Variants in ZNF829 observed in about 807,000 individuals in gnomAD.
ZNF829 encodes the protein zinc finger protein 829.
Under a neutral mutation model 35.2 loss-of-function variants are expected in ZNF829, and 25 were observed. That is an observed-to-expected ratio of 0.71 (90% CI 0.52 to 0.99). The LOEUF is 0.99. Ranked by LOEUF, ZNF829 falls within the 50% of genes least tolerant of loss-of-function variation. ZNF829 has a pLI of 0.00. For missense variants in ZNF829, 417 were observed against 515.3 expected (o/e 0.81, Z 1.85); for synonymous variants, 136 against 163.2 (o/e 0.83, Z 1.27).
Position 36,889,321 on chromosome 19 carries a change from G to T in ZNF829, c.*2171C>A, listed in dbSNP as rs917850900. 1 of 152,120 alleles carries T rather than the reference G, an allele frequency of 6.6e-6. No homozygotes were observed. The highest frequency in any genetic ancestry group is 2.4e-5 in the African/African-American group (1 of 41,410). 9.4% of individuals were successfully genotyped at this position (152,120 alleles called of 1,614,324 possible). On this transcript the variant is annotated 3_prime_UTR_variant, in exon 6 of 6. Transcript: ENST00000391711. ...GATACTGGCTTTGTAGAATGAGTTA[G>T]GGAGGATTCCCTCCTATAATTTTTG...
chr19:36,899,499 T>C (rs1023093209), intron 5 of ZNF829, among the ~76,000 whole-genome samples: 1 of 151,474 alleles, frequency 6.6e-6, no homozygotes, highest in African/African-American at 2.4e-5. Context: ...AAAATACATA[T>C]ATATATATGT....
At chr19:36,893,163 A>G (rs1048900091) in intron 5 of ZNF829, 2 of 393,414 alleles carry the variant, frequency 5.1e-6, no homozygotes, top group Non-Finnish European at 9.0e-6. Context: ...TGACTGTGCA[A>G]TGGTATACTG....
At chr19:36,902,058 TTATC>T (rs1235656458) in intron 5 of ZNF829, 1 of 571,926 alleles carries the variant, frequency 1.7e-6, no homozygotes, top group Admixed American at 2.5e-5. Context: ...TATACTTTGG[TTATC>T]TATGTATCTG....
rs117844863 is a variant in ZNF829 at position 36,893,065 on chromosome 19, G to A, written c.320-594C>T. 5.4e-3 allele frequency: 2,136 copies of A among 398,748 alleles called. 52 individuals are homozygous for A. Among genetic ancestry groups the A allele is most frequent in the Admixed American group, 0.043 (971 of 22,732 alleles). The allele number at this position is 398,748 out of a possible 1,614,324, so 24.7% of individuals were successfully genotyped here. ...TATGATACTGTATGTTTTGCAATTCGTAGATAACTGTCAGACCTACATGAA... is the reference window on the plus strand; with the variant it reads ...TATGATACTGTATGTTTTGCAATTCATAGATAACTGTCAGACCTACATGAA... On this transcript the variant is annotated intron_variant, in intron 5 of 5. Coordinates refer to ENST00000391711, the MANE Select transcript of ZNF829 (RefSeq NM_001037232.4).
chr19:36,894,425 C>T (rs1416231094), intron 5 of ZNF829, among the ~76,000 whole-genome samples: 1 of 151,988 alleles, frequency 6.6e-6, no homozygotes, highest in Non-Finnish European at 1.5e-5. Context: ...CAAAGTAATA[C>T]AATAATGCTC....
rs780335686 is a variant in ZNF829, at chr19:36,891,488, T to G, written c.*4A>C. The G allele has an allele frequency of 1.3e-6, 2 of 1,533,344 alleles. No individual in the cohort carries two copies. Among genetic ancestry groups the G allele is most frequent in the Non-Finnish European group, 1.7e-6 (2 of 1,144,538 alleles). 95.0% of individuals were successfully genotyped at this position (1,533,344 alleles called of 1,614,324 possible). On this transcript the variant is annotated 3_prime_UTR_variant, in exon 6 of 6. Coordinates refer to ENST00000391711, the MANE Select transcript of ZNF829 (RefSeq NM_001037232.4). ...TTAACAAAATGGTCTTACTTTACTG[T>G]CATTCAACCAGTATGAATTCCCTCA...
In ZNF829 at chr19:36,888,533, T is replaced by G. The variant is rs2146217968; in HGVS notation, c.*2959A>C. 1 of 152,266 alleles carries G rather than the reference T, an allele frequency of 6.6e-6. No homozygotes were observed. The highest frequency in any genetic ancestry group is 2.1e-4 in the South Asian group (1 of 4,822). 9.4% of individuals were successfully genotyped at this position (152,266 alleles called of 1,614,324 possible). A position where few individuals can be genotyped will look rare whatever the true frequency, so the allele number is the denominator to read the frequency against. On this transcript the variant is annotated 3_prime_UTR_variant, in exon 6 of 6. Coordinates refer to ENST00000391711, the MANE Select transcript of ZNF829 (RefSeq NM_001037232.4). ...AACTTATTAGCATAATGCCCCCACC[T>G]TTTAAAAAAGCATTCTTAATTTGCC... is the stretch of plus-strand genomic sequence containing the variant.
intron 5 of ZNF829, among the ~76,000 whole-genome samples, chr19:36,898,030 G>A (rs187558066): frequency 6.6e-6 from 1 of 152,268 alleles, no homozygotes; most frequent in Admixed American, 6.5e-5. Flanking sequence ...TTGGCCAGGT[G>A]TGGTGGCAGG....
intron 5 of ZNF829, among the ~76,000 whole-genome samples, chr19:36,897,642 T>A (rs867192449): frequency 5.3e-5 from 8 of 152,110 alleles, no homozygotes; most frequent in Admixed American, 5.2e-4. Context: ...TGGAACAAGA[T>A]AAAGAAGCCC....
chr19:36,890,855 C>CAAAAT lies in ZNF829; in HGVS notation c.*632_*636dup, dbSNP rs1401993088. ...TGGGCAACAGAGCGAGACTCTGTCT[C>CAAAAT]AAAATAAAATAAAATAAAATAAATT... is the stretch of plus-strand genomic sequence containing the variant. On this transcript the variant is annotated 3_prime_UTR_variant, in exon 6 of 6. Transcript: ENST00000391711. The CAAAAT allele has an allele frequency of 3.3e-5, 5 of 151,772 alleles. No individual in the cohort carries two copies. The highest frequency in any genetic ancestry group is 6.6e-5 in the Admixed American group (1 of 15,206). The allele number at this position is 151,772 out of a possible 1,614,324, so 9.4% of individuals were successfully genotyped here. A position where few individuals can be genotyped will look rare whatever the true frequency, so the allele number is the denominator to read the frequency against.
Position 36,915,116 on chromosome 19 carries a change from G to A in ZNF829, c.38+14C>T. The A allele has an allele frequency of 6.2e-7, 1 of 1,614,050 alleles. No homozygotes were observed. Among genetic ancestry groups the A allele is most frequent in the Non-Finnish European group, 8.5e-7 (1 of 1,180,006 alleles). ...TTAGTCAAGTAAGAGTTCTTCCCCAGCCCCATTACCCACCACACATGAGGA... is the reference window on the plus strand; with the variant it reads ...TTAGTCAAGTAAGAGTTCTTCCCCAACCCCATTACCCACCACACATGAGGA... On this transcript the variant is annotated intron_variant, in intron 2 of 5. Transcript: ENST00000391711.
rs188618360 is a variant in ZNF829 at position 36,891,393 on chromosome 19, T to C, written c.*99A>G. ...ATCGTATCGTTTAAAAACGAATACA[T>C]AGGAGAACCTTTGATAATATGTATC... On this transcript the variant is annotated 3_prime_UTR_variant, in exon 6 of 6. Coordinates refer to ENST00000391711, the MANE Select transcript of ZNF829 (RefSeq NM_001037232.4). 245 of 1,256,260 alleles carry C rather than the reference T, an allele frequency of 2.0e-4. 1 individual carries two copies. The South Asian group carries it at 4.2e-3, about 22-fold the overall frequency. 77.8% of individuals were successfully genotyped at this position (1,256,260 alleles called of 1,614,324 possible). A position where few individuals can be genotyped will look rare whatever the true frequency, so the allele number is the denominator to read the frequency against.
At chr19:36,896,753 AT>A (rs1388843735) in intron 5 of ZNF829, among the ~76,000 whole-genome samples, 1 of 152,244 alleles carries the variant, frequency 6.6e-6, no homozygotes, top group Non-Finnish European at 1.5e-5. Flanking sequence ...ATTTTTAAAA[AT>A]TGAAATCATA....
In ZNF829 at chr19:36,890,429, T is replaced by C. The variant is rs1364376505; in HGVS notation, c.*1063A>G. The C allele has an allele frequency of 6.6e-6, 1 of 152,234 alleles. No homozygotes were observed. Among genetic ancestry groups the C allele is most frequent in the Non-Finnish European group, 1.5e-5 (1 of 68,056 alleles). 9.4% of individuals were successfully genotyped at this position (152,234 alleles called of 1,614,324 possible). A position where few individuals can be genotyped will look rare whatever the true frequency, so the allele number is the denominator to read the frequency against. On this transcript the variant is annotated 3_prime_UTR_variant, in exon 6 of 6. Transcript: ENST00000391711. ...CTTAGGTCTAGTAGTATCTGTGTTA[T>C]GGATCTGGGTGTTGCAGTGTTGGGT...
intron 5 of ZNF829, among the ~76,000 whole-genome samples, chr19:36,903,844 A>G (rs146984357): frequency 0.014 from 2,075 of 151,112 alleles, 56 homozygotes; most frequent in African/African-American, 0.048. Context: ...CAGCCTGGGC[A>G]ACAAGAGTAA....
intron 3 of ZNF829, among the ~76,000 whole-genome samples, chr19:36,911,163 CT>C (rs2073261171): frequency 1.3e-5 from 2 of 151,752 alleles, no homozygotes; most frequent in Non-Finnish European, 2.9e-5. Context: ...AGTGCAGTGC[CT>C]TAGACTTGTG....
Position 36,916,151 on chromosome 19 carries a change from C to A in ZNF829, c.-225G>T, listed in dbSNP as rs555691357. 1,059 of 535,838 alleles carry A rather than the reference C, an allele frequency of 2.0e-3. 5 individuals are homozygous for A. The highest frequency in any genetic ancestry group is 0.019 in the African/African-American group (968 of 51,554). The allele number at this position is 535,838 out of a possible 1,614,324, so 33.2% of individuals were successfully genotyped here. On this transcript the variant is annotated 5_prime_UTR_variant, in exon 1 of 6. Coordinates refer to ENST00000391711, the MANE Select transcript of ZNF829 (RefSeq NM_001037232.4). This position sits in a 1 kb window ranked among gnomAD's most constrained non-coding sequence, Gnocchi z 5.3. ...CCTGTCAGCTCCTCGCCTGGGCCCACCCGAAACGGCTGCTCCCTCAACTCT... is the reference window on the plus strand; with the variant it reads ...CCTGTCAGCTCCTCGCCTGGGCCCAACCGAAACGGCTGCTCCCTCAACTCT...
rs1305859121 is a variant in ZNF829 at position 36,891,816 on chromosome 19, T to A, written c.975A>T (p.Glu325Asp). 6.2e-7 allele frequency: 1 copy of A among 1,614,128 alleles called. No individual in the cohort carries two copies. Among genetic ancestry groups the A allele is most frequent in the South Asian group, 1.1e-5 (1 of 91,074 alleles). Residue 325 changes from glutamate (E) to aspartate (D), a missense_variant, in exon 6 of 6, where the codon GAA (glutamate) becomes GAT (aspartate). Glu to Asp is a conservative substitution (Grantham distance 45). Coordinates refer to ENST00000391711, the MANE Select transcript of ZNF829 (RefSeq NM_001037232.4). ...TAAAGGCCTTCCCACACTGCTTACA[T>A]TCATAAGGTTTCTCACCAGTATGCA... The part of the protein sequence containing the change: ...QRMHTGEKPY[E>D]CKQCGKAFNS...
chr19:36,906,943 CTGGGCG>C (rs2073220885), intron 5 of ZNF829: 1 of 151,588 alleles, frequency 6.6e-6, no homozygotes, highest in Admixed American at 6.6e-5. Flanking sequence ...AAAAAATTAG[CTGGGCG>C]TGGTGGCGCA....
Sources: gnomAD v4.1 joint callset for allele counts (sites outside exome capture counted in the v4.1 genomes callset) on GRCh38, gnomAD v4.1.1 for gene constraint, Gnocchi (gnomAD v3.1) non-coding constraint, MANE v1.5 for transcripts, NCBI Gene and HGNC (gene_info 2026-07-23, HGNC 2026-07-21) for gene names.